Variants in SPDYA observed in about 807,000 individuals in gnomAD.
The protein encoded by SPDYA is speedy/RINGO cell cycle regulator family member A.
In SPDYA, 11 loss-of-function variants were observed where a neutral mutation model predicts 36.7. That is an observed-to-expected ratio of 0.30 (90% CI 0.19 to 0.50). The LOEUF is 0.50. SPDYA is among the 20% of genes least tolerant of loss of function. The pLI is 0.98. For synonymous variants in SPDYA, 115 were observed against 118.7 expected, an observed-to-expected ratio of 0.97 and a Z score of 0.20; for missense variants, 287 against 370.9, an observed-to-expected ratio of 0.77 and a Z score of 1.86.
At chr2:28,820,267 A>G (rs1317505462) in intron 4 of SPDYA, among the ~76,000 whole-genome samples, 1 of 152,010 alleles carries the variant, frequency 6.6e-6, no homozygotes, top group Non-Finnish European at 1.5e-5. Flanking sequence ...GGGAGCAGCG[A>G]TGTTTCTATA....
intron 5 of SPDYA, among the ~76,000 whole-genome samples, chr2:28,828,721 A>G (rs1239702099): frequency 6.6e-6 from 1 of 152,238 alleles, no homozygotes; most frequent in African/African-American, 2.4e-5. Context: ...ACTGCCTAAC[A>G]TTCACATACG....
At chr2:28,847,394 G>A (rs997774594) in intron 7 of SPDYA, among the ~76,000 whole-genome samples, 2 of 151,474 alleles carry the variant, frequency 1.3e-5, no homozygotes, top group Non-Finnish European at 2.9e-5. Context: ...ATAGTCATGC[G>A]CCACATAATG....
intron 7 of SPDYA, 59 bp downstream of exon 7, chr2:28,840,528 C>T (rs776595800): frequency 6.4e-7 from 1 of 1,568,110 alleles, no homozygotes; most frequent in South Asian, 1.2e-5. Flanking sequence ...GAGCTCTAGT[C>T]AGTCCTTTCT....
At chr2:28,820,997 T>C (rs1463123152) in intron 4 of SPDYA, among the ~76,000 whole-genome samples, 2 of 152,114 alleles carry the variant, frequency 1.3e-5, no homozygotes, top group African/African-American at 4.8e-5. Context: ...CTAATGCCTC[T>C]CACCAAAAAC....
intron 7 of SPDYA, among the ~76,000 whole-genome samples, chr2:28,847,758 G>A (rs1316827237): frequency 2.3e-5 from 2 of 85,776 alleles, no homozygotes; most frequent in South Asian, 4.1e-4. Context: ...AAAAAAAAAA[G>A]AAAAAGAAAA....
intron 3 of SPDYA, among the ~76,000 whole-genome samples, chr2:28,816,465 A>G (rs1572488136): frequency 6.6e-6 from 1 of 152,038 alleles, no homozygotes; most frequent in Non-Finnish European, 1.5e-5. Context: ...ATTCATACTC[A>G]TCTAGCTTCT....
intron 6 of SPDYA, among the ~76,000 whole-genome samples, chr2:28,833,672 A>G (rs2148096705): frequency 6.6e-6 from 1 of 152,358 alleles, no homozygotes; most frequent in East Asian, 1.9e-4. Flanking sequence ...TACAAGCAAA[A>G]GAATGAAGCC....
Position 28,850,096 on chromosome 2 carries a change from A to G in SPDYA, c.*155A>G. On this transcript the variant is annotated 3_prime_UTR_variant, in exon 8 of 8. Transcript: ENST00000334056. ...TATATGTATAAGTTATATAAGTCAT[A>G]GTAATAGCTAAAAATGCCAATCTAT... 3 of 1,213,108 alleles carry G rather than the reference A, an allele frequency of 2.5e-6. No homozygotes were observed. The highest frequency in any genetic ancestry group is 3.6e-6 in the Non-Finnish European group (3 of 842,394). 75.1% of individuals were successfully genotyped at this position (1,213,108 alleles called of 1,614,324 possible). A position where few individuals can be genotyped will look rare whatever the true frequency, so the allele number is the denominator to read the frequency against.
At chr2:28,833,880 C>A (rs577109806) in intron 6 of SPDYA, among the ~76,000 whole-genome samples, 3 of 151,942 alleles carry the variant, frequency 2.0e-5, no homozygotes, top group Non-Finnish European at 4.4e-5. Context: ...AAAATTAAAA[C>A]CTTTTGTCCT....
chr2:28,829,151 T>C lies in SPDYA; in HGVS notation c.384T>C (p.Tyr128=). 2 of 1,607,898 alleles carry C rather than the reference T, an allele frequency of 1.2e-6. No individual in the cohort carries two copies. Among genetic ancestry groups the C allele is most frequent in the Admixed American group, 3.4e-5 (2 of 58,218 alleles). The change falls in exon 6 of 8, where the codon TAT becomes TAC. Residue 128 remains tyrosine, a synonymous_variant. Coordinates refer to ENST00000334056, the MANE Select transcript of SPDYA (RefSeq NM_182756.4). ...GGGTTGTGATCTTCTTTGTTAGGTA[T>C]CTGGCTAATACAGTTGAAGAAGATG... The part of the protein sequence containing the change: ...HTRINFFIAL[Y]LANTVEEDEE...
rs1473589124 is a variant in SPDYA at position 28,811,957 on chromosome 2, G to C, written c.-93+1010G>C. 1.3e-5 allele frequency among the ~76,000 whole-genome samples: 2 copies of C among 152,182 alleles called. No homozygotes were observed. The highest frequency in any genetic ancestry group is 4.8e-5 in the African/African-American group (2 of 41,442). ...GGTTTTGTTTTCTTGGCAAGGTGACGATAAGTAATACTGGAGTGCTTACTA... is the reference window on the plus strand; with the variant it reads ...GGTTTTGTTTTCTTGGCAAGGTGACCATAAGTAATACTGGAGTGCTTACTA... On this transcript the variant is annotated intron_variant, in intron 1 of 7. Coordinates refer to ENST00000334056, the MANE Select transcript of SPDYA (RefSeq NM_182756.4). The surrounding 1 kb of genome is among the most constrained non-coding windows in gnomAD (Gnocchi z 4.2).
intron 7 of SPDYA, among the ~76,000 whole-genome samples, chr2:28,846,722 TACACACACACACACACAC>T (rs58731880): frequency 9.6e-4 from 121 of 126,558 alleles, no homozygotes; most frequent in African/African-American, 2.0e-3. Context: ...AGAAGAAAAC[TACACACACACACACACAC>T]ACACACACAC....
At position 28,850,328 on chromosome 2, in the gene SPDYA, C is replaced by A; in HGVS notation, c.*387C>A. ...AATATGTTCTGAAAACATTACTCAC[C>A]TGTATGACCAGGTTGCCAGTGTACT... On this transcript the variant is annotated 3_prime_UTR_variant, in exon 8 of 8. Coordinates refer to ENST00000334056, the MANE Select transcript of SPDYA (RefSeq NM_182756.4). The A allele has an allele frequency of 6.2e-7, 1 of 1,608,682 alleles. No homozygotes were observed. Among genetic ancestry groups the A allele is most frequent in the African/African-American group, 1.3e-5 (1 of 74,876 alleles).
chr2:28,846,845 T>C (rs1009997145), intron 7 of SPDYA, among the ~76,000 whole-genome samples: 5 of 151,786 alleles, frequency 3.3e-5, no homozygotes, highest in Non-Finnish European at 7.4e-5. Context: ...CTGAGCACCA[T>C]GTGCCAAACA....
intron 7 of SPDYA, among the ~76,000 whole-genome samples, chr2:28,840,962 T>C (rs1668738012): frequency 7.4e-6 from 1 of 134,874 alleles, no homozygotes; most frequent in Non-Finnish European, 1.5e-5. Context: ...TGAAACAGAG[T>C]CTCACTTTGT....
At position 28,821,191 on chromosome 2, in the gene SPDYA, CTTTTTCTTT is replaced by C. The variant is rs1558322991; in HGVS notation, c.295-1128_295-1120del. On this transcript the variant is annotated intron_variant, in intron 4 of 7. Coordinates refer to ENST00000334056, the MANE Select transcript of SPDYA (RefSeq NM_182756.4). ...AGTTATGATGTGATTTTTTTTTTTTCTTTTTCTTTTTTTTTTTTTTTTTTTTGAGATGGA... is the reference window on the plus strand; with the variant it reads ...AGTTATGATGTGATTTTTTTTTTTTCTTTTTTTTTTTTTTTTTGAGATGGA... Among the ~76,000 whole-genome samples the C allele has an allele frequency of 2.0e-4, 24 of 120,974 alleles. No individual in the cohort carries two copies. In the East Asian group the frequency reaches 5.3e-3, roughly 27 times the overall value. 79.4% of individuals were successfully genotyped at this position (120,974 alleles called of 152,430 possible). A position where few individuals can be genotyped will look rare whatever the true frequency, so the allele number is the denominator to read the frequency against.
chr2:28,842,869 C>T (rs2148107387), intron 7 of SPDYA, among the ~76,000 whole-genome samples: 1 of 152,246 alleles, frequency 6.6e-6, no homozygotes, highest in East Asian at 1.9e-4. Flanking sequence ...TGGGATAAGT[C>T]TCTCACTGCC....
chr2:28,821,195 T>C (rs1201700947), intron 4 of SPDYA, among the ~76,000 whole-genome samples: 5 of 139,902 alleles, frequency 3.6e-5, no homozygotes, highest in African/African-American at 1.3e-4. Flanking sequence ...TTTTTTCTTT[T>C]TCTTTTTTTT....
intron 6 of SPDYA, among the ~76,000 whole-genome samples, chr2:28,830,438 T>C (rs955880943): frequency 6.6e-6 from 1 of 151,916 alleles, no homozygotes; most frequent in Non-Finnish European, 1.5e-5. Context: ...CTCCTGACCT[T>C]GTGATCCGCC....
Sources: gnomAD v4.1 joint callset for allele counts (sites outside exome capture counted in the v4.1 genomes callset) on GRCh38, gnomAD v4.1.1 for gene constraint, Gnocchi (gnomAD v3.1) non-coding constraint, MANE v1.5 for transcripts, NCBI Gene and HGNC (gene_info 2026-07-23, HGNC 2026-07-21) for gene names.